The following AGAP1 variants were observed in gnomAD, a reference collection of about 807,000 sequenced individuals.
AGAP1 encodes ArfGAP with GTPase domain, ankyrin repeat and PH domain 1.
AGAP1 carries 29 observed loss-of-function variants against 105.3 expected under a neutral mutation model. The ratio of observed to expected loss-of-function variants is 0.28; its 90% CI spans 0.21 to 0.38. The LOEUF (loss-of-function observed/expected upper bound fraction) is 0.38, where lower values mean the gene tolerates loss of function less well. Ranked by LOEUF, AGAP1 falls within the 10% of genes least tolerant of loss-of-function variation. The pLI, the probability that AGAP1 is intolerant of heterozygous loss-of-function variation, is 1.00. For synonymous variants in AGAP1, 509 were observed against 485.9 expected, an observed-to-expected ratio of 1.05 and a Z score of -0.63; for missense variants, 998 against 1,165.1, an observed-to-expected ratio of 0.86 and a Z score of 2.09.
At chr2:235,598,076 G>T (rs1019684902) in intron 1 of AGAP1, among the ~76,000 whole-genome samples, 5 of 149,216 alleles carry the variant, frequency 3.4e-5, no homozygotes. Flanking sequence ...GAGCGTGCAC[G>T]CGCTCCCGTG....
chr2:236,068,618 G>A (rs2058411852), intron 16 of AGAP1, among the ~76,000 whole-genome samples: 1 of 151,062 alleles, frequency 6.6e-6, no homozygotes, highest in South Asian at 2.1e-4. Flanking sequence ...GGCTAACACG[G>A]TGAAACCCCG....
At chr2:235,956,118 C>G (rs1282279377) in intron 12 of AGAP1, among the ~76,000 whole-genome samples, 1 of 152,140 alleles carries the variant, frequency 6.6e-6, no homozygotes, top group Non-Finnish European at 1.5e-5. Flanking sequence ...AACAGAATCT[C>G]TTTTCAATTT....
intron 6 of AGAP1, among the ~76,000 whole-genome samples, chr2:235,786,647 G>A (rs993334114): frequency 2.0e-5 from 3 of 152,150 alleles, no homozygotes; most frequent in African/African-American, 7.2e-5. Flanking sequence ...TAGGAAAACA[G>A]CTTCAGTTGT....
Position 235,930,257 on chromosome 2 carries a change from G to A in AGAP1, c.1325-508G>A, listed in dbSNP as rs985456491. 1.3e-5 allele frequency among the ~76,000 whole-genome samples: 2 copies of A among 151,552 alleles called. No individual in the cohort carries two copies. The highest frequency in any genetic ancestry group is 4.8e-5 in the African/African-American group (2 of 41,378). Reference sequence around the variant, plus strand: ...GAAGAGCCTGCATTTCCTCCGTGTCGTGTCTAGGGACTTTGATTTGTGTTG... The same window carrying A: ...GAAGAGCCTGCATTTCCTCCGTGTCATGTCTAGGGACTTTGATTTGTGTTG... On this transcript the variant is annotated intron_variant, in intron 11 of 17. Transcript: ENST00000304032. The surrounding 1 kb of genome is among the most constrained non-coding windows in gnomAD (Gnocchi z 7.9).
At position 235,769,988 on chromosome 2, in the gene AGAP1, A is replaced by G. The variant is rs190381827; in HGVS notation, c.673+19500A>G. On this transcript the variant is annotated intron_variant, in intron 6 of 17. Transcript: ENST00000304032. The surrounding 1 kb of genome is among the most constrained non-coding windows in gnomAD (Gnocchi z 4.4). ...AGTGTATCTCATATCTTCTGAATAC[A>G]CACATTTAAACATGTTTTTGTGATT... is the stretch of plus-strand genomic sequence containing the variant. 2.1e-4 allele frequency among the ~76,000 whole-genome samples: 32 copies of G among 152,376 alleles called. No homozygotes were observed. The highest frequency in any genetic ancestry group is 6.7e-4 in the African/African-American group (28 of 41,600).
chr2:235,948,430 C>T (rs1348550317), intron 12 of AGAP1, among the ~76,000 whole-genome samples: 1 of 152,168 alleles, frequency 6.6e-6, no homozygotes, highest in Non-Finnish European at 1.5e-5. Flanking sequence ...TGTGTTCCCC[C>T]CACCTCCATC....
chr2:236,111,936 C>T (rs952218921), intron 16 of AGAP1, among the ~76,000 whole-genome samples: 2 of 152,274 alleles, frequency 1.3e-5, no homozygotes, highest in African/African-American at 2.4e-5. Context: ...TTGGAGTCAT[C>T]GGCAGTGTTG....
At chr2:236,107,235 C>T (rs1357742792) in intron 16 of AGAP1, among the ~76,000 whole-genome samples, 1 of 152,172 alleles carries the variant, frequency 6.6e-6, no homozygotes, top group South Asian at 2.1e-4. Context: ...CAGGGCCCCA[C>T]AGCCAACCAT....
At chr2:235,598,725 G>A (rs908796814) in intron 1 of AGAP1, among the ~76,000 whole-genome samples, 8 of 152,232 alleles carry the variant, frequency 5.3e-5, no homozygotes, top group African/African-American at 1.9e-4. Context: ...CCCTCCGGGT[G>A]CTGACTGTGC....
rs529192480 is a variant in AGAP1, at chr2:235,874,964, G to T, written c.1051-8381G>T. Reference sequence around the variant, plus strand: ...GATAGGCAGTAACCTCTTGTGAAGCGGAAGCAAACTAGAAACAGCTCTCCC... The same window carrying T: ...GATAGGCAGTAACCTCTTGTGAAGCTGAAGCAAACTAGAAACAGCTCTCCC... On this transcript the variant is annotated intron_variant, in intron 9 of 17. Coordinates refer to ENST00000304032, the MANE Select transcript of AGAP1 (RefSeq NM_001037131.3). The surrounding 1 kb of genome is among the most constrained non-coding windows in gnomAD (Gnocchi z 4.5). Among the ~76,000 whole-genome samples, 2 of 152,224 alleles carry T rather than the reference G, an allele frequency of 1.3e-5. No individual in the cohort carries two copies. Among genetic ancestry groups the T allele is most frequent in the African/African-American group, 4.8e-5 (2 of 41,528 alleles).
Position 235,664,659 on chromosome 2 carries a change from C to A in AGAP1, c.164-44520C>A, listed in dbSNP as rs1196076713. Among the ~76,000 whole-genome samples, 1 of 152,194 alleles carries A rather than the reference C, an allele frequency of 6.6e-6. No homozygotes were observed. The highest frequency in any genetic ancestry group is 6.5e-5 in the Admixed American group (1 of 15,280). On this transcript the variant is annotated intron_variant, in intron 1 of 17. Coordinates refer to ENST00000304032, the MANE Select transcript of AGAP1 (RefSeq NM_001037131.3). This position sits in a 1 kb window ranked among gnomAD's most constrained non-coding sequence, Gnocchi z 5.7. ...GCTTGTTTTAAAACCAAGCTTGCTTCTCACTGGCCTGTTTAAGTGGAAATG... is the reference window on the plus strand; with the variant it reads ...GCTTGTTTTAAAACCAAGCTTGCTTATCACTGGCCTGTTTAAGTGGAAATG...
At chr2:235,636,082 C>T (rs1946989308) in intron 1 of AGAP1, among the ~76,000 whole-genome samples, 1 of 151,744 alleles carries the variant, frequency 6.6e-6, no homozygotes, top group Non-Finnish European at 1.5e-5. Flanking sequence ...CAGTGAACTC[C>T]AGCCTGGGCA....
rs569917850 is a variant in AGAP1 at position 235,892,832 on chromosome 2, A to AT, written c.1155+9385dup. Among the ~76,000 whole-genome samples the AT allele has an allele frequency of 1.2e-4, 18 of 152,344 alleles. 1 individual carries two copies. In the South Asian group the frequency reaches 3.5e-3, roughly 30 times the overall value. ...AACTTTTCACTGGTTTCCCCAGAAC[A>AT]TTGAAACAGTCAGAATAACTCCTGT... is the stretch of plus-strand genomic sequence containing the variant. On this transcript the variant is annotated intron_variant, in intron 10 of 17. Coordinates refer to ENST00000304032, the MANE Select transcript of AGAP1 (RefSeq NM_001037131.3).
chr2:235,908,306 C>G lies in AGAP1; in HGVS notation c.1156-432C>G, dbSNP rs1300392120. Among the ~76,000 whole-genome samples, 1 of 152,182 alleles carries G rather than the reference C, an allele frequency of 6.6e-6. No homozygotes were observed. Among genetic ancestry groups the G allele is most frequent in the Admixed American group, 6.5e-5 (1 of 15,284 alleles). ...TGATTTTTCACCAGAGAGCTTCAGT[C>G]TTATCTAGATTTTAATGATATTCCC... On this transcript the variant is annotated intron_variant, in intron 10 of 17. Transcript: ENST00000304032. This position sits in a 1 kb window ranked among gnomAD's most constrained non-coding sequence, Gnocchi z 4.4.
At chr2:235,746,411 T>TA (rs1553620186) in intron 5 of AGAP1, among the ~76,000 whole-genome samples, 16 of 113,136 alleles carry the variant, frequency 1.4e-4, no homozygotes, top group African/African-American at 5.1e-4. Flanking sequence ...TTTTTTTTTT[T>TA]AAAGCGTACG....
chr2:236,061,929 G>A lies in AGAP1; in HGVS notation c.2114+12648G>A, dbSNP rs182929200. Reference sequence around the variant, plus strand: ...CAAAGGAAAACAGATGAGCCAGGGCGTTCCACAAAGAGCAGCTGGAGCAAA... The same window carrying A: ...CAAAGGAAAACAGATGAGCCAGGGCATTCCACAAAGAGCAGCTGGAGCAAA... On this transcript the variant is annotated intron_variant, in intron 16 of 17. Coordinates refer to ENST00000304032, the MANE Select transcript of AGAP1 (RefSeq NM_001037131.3). This position sits in a 1 kb window ranked among gnomAD's most constrained non-coding sequence, Gnocchi z 4.1. Among the ~76,000 whole-genome samples the A allele has an allele frequency of 3.1e-4, 47 of 152,158 alleles. No individual in the cohort carries two copies. The highest frequency in any genetic ancestry group is 9.9e-4 in the African/African-American group (41 of 41,516).
intron 11 of AGAP1, among the ~76,000 whole-genome samples, chr2:235,915,941 A>G (rs1443683745): frequency 1.3e-5 from 2 of 152,218 alleles, no homozygotes; most frequent in Non-Finnish European, 1.5e-5. Context: ...GGTTACCTAC[A>G]AAAGAAGAGA....
Position 235,705,270 on chromosome 2 carries a change from C to T in AGAP1, c.164-3909C>T, listed in dbSNP as rs36033879. ...TTGGGATTACAGGCGTGAGCCACCACGCCTGGCCCAGACACTTCTGAGAAC... is the reference window on the plus strand; with the variant it reads ...TTGGGATTACAGGCGTGAGCCACCATGCCTGGCCCAGACACTTCTGAGAAC... On this transcript the variant is annotated intron_variant, in intron 1 of 17. Coordinates refer to ENST00000304032, the MANE Select transcript of AGAP1 (RefSeq NM_001037131.3). The surrounding 1 kb of genome is among the most constrained non-coding windows in gnomAD (Gnocchi z 4.9). Among the ~76,000 whole-genome samples, 812 of 152,330 alleles carry T rather than the reference C, an allele frequency of 5.3e-3. 5 individuals carry two copies. Among genetic ancestry groups the T allele is most frequent in the Middle Eastern group, 0.027 (8 of 294 alleles).
chr2:235,628,188 C>T (rs1946704871), intron 1 of AGAP1, among the ~76,000 whole-genome samples: 1 of 152,138 alleles, frequency 6.6e-6, no homozygotes, highest in Admixed American at 6.5e-5. Flanking sequence ...GGCCAGCCCC[C>T]AGCACACGTC....
Sources: gnomAD v4.1 joint callset for allele counts (sites outside exome capture counted in the v4.1 genomes callset) on GRCh38, gnomAD v4.1.1 for gene constraint, Gnocchi (gnomAD v3.1) non-coding constraint, MANE v1.5 for transcripts, NCBI Gene and HGNC (gene_info 2026-07-23, HGNC 2026-07-21) for gene names.